Variants in EMC6 observed in about 807,000 individuals in gnomAD.
EMC6 encodes the protein ER membrane protein complex subunit 6.
EMC6 carries 1 observed loss-of-function variant against 6.5 expected under a neutral mutation model. The ratio of observed to expected loss-of-function variants is 0.15; its 90% CI spans 0.05 to 0.73. The LOEUF is 0.73. Ranked by LOEUF, EMC6 falls within the 30% of genes least tolerant of loss-of-function variation. The pLI, the probability that EMC6 is intolerant of heterozygous loss-of-function variation, is 0.78. For missense variants in EMC6, 114 were observed against 146.7 expected, an observed-to-expected ratio of 0.78 and a Z score of 1.15; for synonymous variants, 96 against 74.3, an observed-to-expected ratio of 1.29 and a Z score of -1.50.
rs973185837 is a variant in EMC6 at position 3,669,303 on chromosome 17, A to G, written c.157A>G (p.Ile53Val). Residue 53 changes from isoleucine (I) to valine (V), a missense_variant, in exon 2 of 2, where the codon ATC (isoleucine) becomes GTC (valine). Ile to Val is a conservative substitution (Grantham distance 29, BLOSUM62 3). Transcript: ENST00000248378. ...ILGLTGLYGF[I>V]FYLLASVLLS... is the part of the protein sequence containing the mutation. ...CGGCCTCACCGGCCTCTACGGCTTC[A>G]TCTTCTACCTGCTCGCCTCCGTCCT... 2.5e-6 allele frequency: 4 copies of G among 1,614,144 alleles called. No homozygotes were observed. Among genetic ancestry groups the G allele is most frequent in the East Asian group, 2.2e-5 (1 of 44,882 alleles).
chr17:3,669,517 G>A lies in EMC6; in HGVS notation c.*38G>A, dbSNP rs762191301. On this transcript the variant is annotated 3_prime_UTR_variant, in exon 2 of 2. Transcript: ENST00000248378. The stretch of plus-strand genomic sequence containing the variant: ...GGGGACTTTTTTAAAAAACCAGATC[G>A]GGAGGACTGTGGCCAGCAATTAACA... 3 of 1,532,236 alleles carry A rather than the reference G, an allele frequency of 2.0e-6. No homozygotes were observed. Among genetic ancestry groups the A allele is most frequent in the African/African-American group, 1.4e-5 (1 of 72,320 alleles). 94.9% of individuals were successfully genotyped at this position (1,532,236 alleles called of 1,614,324 possible).
Position 3,669,374 on chromosome 17 carries a change from A to C in EMC6, c.228A>C (p.Lys76Asn). The change falls in exon 2 of 2, where the codon AAA becomes AAC. Residue 76 changes from lysine to asparagine, a missense_variant. Physicochemically the swap from Lys to Asn is moderately conservative, Grantham distance 94 (BLOSUM62 0). Coordinates refer to ENST00000248378, the MANE Select transcript of EMC6 (RefSeq NM_031298.4). Reference sequence around the variant, plus strand: ...TCAAGGCGGGAAGGAGGTGGAACAAATATTTCAAATCACGGAGACCTCTCT... The same window carrying C: ...TCAAGGCGGGAAGGAGGTGGAACAACTATTTCAAATCACGGAGACCTCTCT... ...LILKAGRRWN[K>N]YFKSRRPLFT... The C allele has an allele frequency of 6.2e-7, 1 of 1,614,106 alleles. No homozygotes were observed. The highest frequency in any genetic ancestry group is 8.5e-7 in the Non-Finnish European group (1 of 1,180,030).
Position 3,668,996 on chromosome 17 carries a change from C to A in EMC6, c.-50+97C>A. On this transcript the variant is annotated intron_variant, in intron 1 of 1. Coordinates refer to ENST00000248378, the MANE Select transcript of EMC6 (RefSeq NM_031298.4). This position sits in a 1 kb window ranked among gnomAD's most constrained non-coding sequence, Gnocchi z 4.1. ...CTCGGCGTCTTTGGAAGATCCGAGG[C>A]CCAGGACTGGTGCCAGGTCTCGGAA... The A allele has an allele frequency of 1.4e-6, 1 of 732,384 alleles. No homozygotes were observed. The highest frequency in any genetic ancestry group is 2.2e-6 in the Non-Finnish European group (1 of 462,366). The allele number at this position is 732,384 out of a possible 1,614,324, so 45.4% of individuals were successfully genotyped here.
At position 3,668,854 on chromosome 17, in the gene EMC6, C is replaced by T. The variant is rs1597680535; in HGVS notation, c.-95C>T. On this transcript the variant is annotated 5_prime_UTR_variant, in exon 1 of 2. Coordinates refer to ENST00000248378, the MANE Select transcript of EMC6 (RefSeq NM_031298.4). This position sits in a 1 kb window ranked among gnomAD's most constrained non-coding sequence, Gnocchi z 4.1. ...GGCGCCGCGGGCATTTCTTCCACTG[C>T]CCGTCTGAGGGAACGCTAAGTAGTG... 1.2e-5 allele frequency: 6 copies of T among 517,972 alleles called. No individual in the cohort carries two copies. The highest frequency in any genetic ancestry group is 2.0e-5 in the African/African-American group (1 of 49,394). 32.1% of individuals were successfully genotyped at this position (517,972 alleles called of 1,614,324 possible).
Position 3,669,301 on chromosome 17 carries a change from T to C in EMC6, c.155T>C (p.Phe52Ser), listed in dbSNP as rs1204253293. 1.2e-6 allele frequency: 2 copies of C among 1,614,150 alleles called. No homozygotes were observed. Among genetic ancestry groups the C allele is most frequent in the South Asian group, 1.1e-5 (1 of 91,090 alleles). The change falls in exon 2 of 2, where the codon TTC (phenylalanine) becomes TCC (serine). Residue 52 changes from phenylalanine (F) to serine (S), a missense_variant. Coordinates refer to ENST00000248378, the MANE Select transcript of EMC6 (RefSeq NM_031298.4). ...GILGLTGLYG[F>S]IFYLLASVLL... ...CTCGGCCTCACCGGCCTCTACGGCT[T>C]CATCTTCTACCTGCTCGCCTCCGTC...
At position 3,669,496 on chromosome 17, in the gene EMC6, A is replaced by G. The variant is rs763716646; in HGVS notation, c.*17A>G. The G allele has an allele frequency of 5.8e-5, 90 of 1,563,068 alleles. No individual in the cohort carries two copies. The Admixed American group carries it at 6.7e-4, about 12-fold the overall frequency. Reference sequence around the variant, plus strand: ...GTCTACTGAAATGGGGGCCCGGGGGACTTTTTTAAAAAACCAGATCGGGAG... The same window carrying G: ...GTCTACTGAAATGGGGGCCCGGGGGGCTTTTTTAAAAAACCAGATCGGGAG... On this transcript the variant is annotated 3_prime_UTR_variant, in exon 2 of 2. Transcript: ENST00000248378.
rs2049972415 is a variant in EMC6, at chr17:3,669,119, AG to A, written c.-27del. On this transcript the variant is annotated 5_prime_UTR_variant, in exon 2 of 2. Coordinates refer to ENST00000248378, the MANE Select transcript of EMC6 (RefSeq NM_031298.4). The stretch of plus-strand genomic sequence containing the variant: ...GCAGCTCCGCGTTGTTCCGCGAGAA[AG>A]CGAGAGGCCGAGCCCGGGCTGGTGC... 6.8e-7 allele frequency: 1 copy of A among 1,466,306 alleles called. No homozygotes were observed. Among genetic ancestry groups the A allele is most frequent in the African/African-American group, 1.4e-5 (1 of 70,632 alleles). 90.8% of individuals were successfully genotyped at this position (1,466,306 alleles called of 1,614,324 possible). A position where few individuals can be genotyped will look rare whatever the true frequency, so the allele number is the denominator to read the frequency against.
In EMC6 at chr17:3,669,275, C is replaced by T. The variant is rs191644279; in HGVS notation, c.129C>T (p.Ile43=). 11 of 1,614,030 alleles carry T rather than the reference C, an allele frequency of 6.8e-6. No individual in the cohort carries two copies. The South Asian group carries it at 1.1e-4, about 16-fold the overall frequency. ...CGCTGTCGGGGGCCACGGCCGGCAT[C>T]CTCGGCCTCACCGGCCTCTACGGCT... ...VSALSGATAG[I]LGLTGLYGFI... is the part of the protein sequence containing the mutation. Residue 43 remains isoleucine (I), a synonymous_variant, in exon 2 of 2, where the codon ATC becomes ATT. Coordinates refer to ENST00000248378, the MANE Select transcript of EMC6 (RefSeq NM_031298.4).
chr17:3,669,213 G>C lies in EMC6; in HGVS notation c.67G>C (p.Ala23Pro). The C allele has an allele frequency of 6.2e-7, 1 of 1,603,642 alleles. No individual in the cohort carries two copies. The highest frequency in any genetic ancestry group is 8.5e-7 in the Non-Finnish European group (1 of 1,175,626). ...CAGCGAGGCGGCCGTGCGGGGCAAC[G>C]CCGCCGTCCTGGATTATTGCCGGAC... ...FISEAAVRGNAAVLDYCRTSV... is the reference protein window; with the variant it reads ...FISEAAVRGNPAVLDYCRTSV... The change falls in exon 2 of 2, where the codon GCC becomes CCC. Residue 23 changes from alanine to proline, a missense_variant. Ala to Pro is a conservative substitution (Grantham distance 27, BLOSUM62 -1). Coordinates refer to ENST00000248378, the MANE Select transcript of EMC6 (RefSeq NM_031298.4).
chr17:3,669,182 G>T lies in EMC6; in HGVS notation c.36G>T (p.Pro12=). Residue 12 remains proline (P), a synonymous_variant, in exon 2 of 2, where the codon CCG becomes CCT. Coordinates refer to ENST00000248378, the MANE Select transcript of EMC6 (RefSeq NM_031298.4). ...AAVVAKREGP[P]FISEAAVRGN... ...TGGTGGCCAAGCGGGAAGGGCCGCC[G>T]TTCATCAGCGAGGCGGCCGTGCGGG... The T allele has an allele frequency of 6.4e-7, 1 of 1,567,008 alleles. No individual in the cohort carries two copies. Among genetic ancestry groups the T allele is most frequent in the Non-Finnish European group, 8.7e-7 (1 of 1,155,972 alleles).
rs879922256 is a variant in EMC6 at position 3,668,876 on chromosome 17, A to G, written c.-73A>G. 1 of 545,578 alleles carries G rather than the reference A, an allele frequency of 1.8e-6. No homozygotes were observed. 33.8% of individuals were successfully genotyped at this position (545,578 alleles called of 1,614,324 possible). ...CTGCCCGTCTGAGGGAACGCTAAGT[A>G]GTGTGTCCGGCGCCGTGTTCCAGGT... On this transcript the variant is annotated 5_prime_UTR_variant, in exon 1 of 2. Transcript: ENST00000248378. This position sits in a 1 kb window ranked among gnomAD's most constrained non-coding sequence, Gnocchi z 4.1.
intron 1 of EMC6, 69 bp from the exon 2 acceptor site, chr17:3,669,029 G>T: frequency 4.2e-6 from 4 of 960,640 alleles, no homozygotes; most frequent in South Asian, 1.8e-5. Flanking sequence ...GAAGCTCCAG[G>T]GGGAGGGGGC....
intron 1 of EMC6, 89 bp from the exon 2 acceptor site, chr17:3,669,009 C>T (rs1597680737): frequency 5.0e-6 from 4 of 792,948 alleles, no homozygotes; most frequent in Non-Finnish European, 7.7e-6. Flanking sequence ...AGGACTGGTG[C>T]CAGGTCTCGG....
In EMC6 at chr17:3,668,941, AC is replaced by A; in HGVS notation, c.-50+44del. The A allele has an allele frequency of 1.7e-6, 1 of 574,976 alleles. No individual in the cohort carries two copies. Among genetic ancestry groups the A allele is most frequent in the East Asian group, 3.1e-5 (1 of 32,770 alleles). 35.6% of individuals were successfully genotyped at this position (574,976 alleles called of 1,614,324 possible). ...GGCCGGGGAACGCAGACGCGCCACC[AC>A]CTCCCGGCCGGCCCGGACCCTCAAT... On this transcript the variant is annotated intron_variant, in intron 1 of 1. Coordinates refer to ENST00000248378, the MANE Select transcript of EMC6 (RefSeq NM_031298.4). The surrounding 1 kb of genome is among the most constrained non-coding windows in gnomAD (Gnocchi z 4.1).
Position 3,669,315 on chromosome 17 carries a change from C to G in EMC6, c.169C>G (p.Leu57Val), listed in dbSNP as rs2049976870. ...CCTCTACGGCTTCATCTTCTACCTG[C>G]TCGCCTCCGTCCTGCTCTCCCTGCT... ...TGLYGFIFYL[L>V]ASVLLSLLLI... The change falls in exon 2 of 2, where the codon CTC (leucine) becomes GTC (valine). Residue 57 changes from leucine (L) to valine (V), a missense_variant. Physicochemically the swap from Leu to Val is conservative, Grantham distance 32. Transcript: ENST00000248378. 6 of 1,614,204 alleles carry G rather than the reference C, an allele frequency of 3.7e-6. No individual in the cohort carries two copies. The East Asian group carries it at 1.3e-4, about 36-fold the overall frequency.
chr17:3,669,256 C>T lies in EMC6; in HGVS notation c.110C>T (p.Ser37Leu). 1 of 1,613,654 alleles carries T rather than the reference C, an allele frequency of 6.2e-7. No homozygotes were observed. Among genetic ancestry groups the T allele is most frequent in the East Asian group, 2.2e-5 (1 of 44,882 alleles). Residue 37 changes from serine (S) to leucine (L), a missense_variant, in exon 2 of 2, where the codon TCG (serine) becomes TTG (leucine). Transcript: ENST00000248378. Reference sequence around the variant, plus strand: ...TGCCGGACCTCGGTGTCAGCGCTGTCGGGGGCCACGGCCGGCATCCTCGGC... The same window carrying T: ...TGCCGGACCTCGGTGTCAGCGCTGTTGGGGGCCACGGCCGGCATCCTCGGC... ...DYCRTSVSAL[S>L]GATAGILGLT... is the part of the protein sequence containing the mutation.
chr17:3,669,281 C>A lies in EMC6; in HGVS notation c.135C>A (p.Gly45=). ...ALSGATAGIL[G]LTGLYGFIFY... ...CGGGGGCCACGGCCGGCATCCTCGG[C>A]CTCACCGGCCTCTACGGCTTCATCT... is the stretch of plus-strand genomic sequence containing the variant. The change falls in exon 2 of 2, where the codon GGC becomes GGA. Residue 45 remains glycine, a synonymous_variant. Coordinates refer to ENST00000248378, the MANE Select transcript of EMC6 (RefSeq NM_031298.4). 6.2e-7 allele frequency: 1 copy of A among 1,613,996 alleles called. No homozygotes were observed. The highest frequency in any genetic ancestry group is 1.3e-5 in the African/African-American group (1 of 75,072).
At chr17:3,669,027 A>AG in intron 1 of EMC6, 71 bp from the exon 2 acceptor site, 1 of 946,014 alleles carries the variant, frequency 1.1e-6, no homozygotes. Flanking sequence ...CGGAAGCTCC[A>AG]GGGGGAGGGG....
In EMC6 at chr17:3,669,104, G is replaced by A. The variant is rs773160798; in HGVS notation, c.-43G>A. ...AACTTGGTTTTCTCCGCAGCTCCGC[G>A]TTGTTCCGCGAGAAAGCGAGAGGCC... On this transcript the variant is annotated 5_prime_UTR_variant, in exon 2 of 2. Transcript: ENST00000248378. 6.9e-7 allele frequency: 1 copy of A among 1,457,064 alleles called. No individual in the cohort carries two copies. Among genetic ancestry groups the A allele is most frequent in the South Asian group, 1.4e-5 (1 of 71,976 alleles). The allele number at this position is 1,457,064 out of a possible 1,614,324, so 90.3% of individuals were successfully genotyped here. A position where few individuals can be genotyped will look rare whatever the true frequency, so the allele number is the denominator to read the frequency against.
Sources: allele counts gnomAD v4.1 joint callset, GRCh38; gene constraint gnomAD v4.1.1; non-coding constraint Gnocchi (gnomAD v3.1); transcripts MANE v1.5; gene names NCBI Gene and HGNC (gene_info 2026-07-23, HGNC 2026-07-21).